The following PTK2 variants were observed in gnomAD, a reference collection of about 807,000 sequenced individuals.
The protein encoded by PTK2 is protein tyrosine kinase 2.
Under a neutral mutation model 150.1 loss-of-function variants are expected in PTK2, and 45 were observed. The observed-to-expected ratio is 0.30, with a 90% CI of 0.24 to 0.38. The LOEUF is 0.38. Ranked by LOEUF, PTK2 falls within the 10% of genes least tolerant of loss-of-function variation. The pLI, the probability that PTK2 is intolerant of heterozygous loss-of-function variation, is 1.00. For synonymous variants in PTK2, 432 were observed against 449.2 expected (o/e 0.96, Z 0.48); for missense variants, 919 against 1,307.3 (o/e 0.70, Z 4.58).
At chr8:140,897,619 A>G (rs2100156811) in intron 2 of PTK2, among the ~76,000 whole-genome samples, 1 of 152,100 alleles carries the variant, frequency 6.6e-6, no homozygotes, top group Non-Finnish European at 1.5e-5. Flanking sequence ...CTCTTTGGGC[A>G]CTCATCACGG....
rs142227696 is a variant in PTK2 at position 140,696,106 on chromosome 8, G to A, written c.2499+4785C>T. Among the ~76,000 whole-genome samples, 343 of 152,164 alleles carry A rather than the reference G, an allele frequency of 2.3e-3. 2 individuals carry two copies. Among genetic ancestry groups the A allele is most frequent in the Middle Eastern group, 6.8e-3 (2 of 294 alleles). Reference sequence around the variant, plus strand: ...TGTACGGTGGTACATTCATTCATTCGCTTAATAAATGCTGGCTGAGCCTTA... The same window carrying A: ...TGTACGGTGGTACATTCATTCATTCACTTAATAAATGCTGGCTGAGCCTTA... On this transcript the variant is annotated intron_variant, in intron 26 of 31. Transcript: ENST00000522684.
chr8:140,661,451 T>C (rs1353480931), intron 31 of PTK2, among the ~76,000 whole-genome samples: 1 of 152,148 alleles, frequency 6.6e-6, no homozygotes, highest in African/African-American at 2.4e-5. Flanking sequence ...GTGCATGGTG[T>C]TGTCACTGAC....
chr8:140,898,747 C>G (rs1218121821), intron 2 of PTK2, among the ~76,000 whole-genome samples: 1 of 152,042 alleles, frequency 6.6e-6, no homozygotes, highest in Non-Finnish European at 1.5e-5. Context: ...TGTTAAGATC[C>G]CACCAAGATA....
chr8:140,993,985 T>C (rs1362036298), intron 1 of PTK2, among the ~76,000 whole-genome samples: 1 of 152,100 alleles, frequency 6.6e-6, no homozygotes, highest in Non-Finnish European at 1.5e-5. Flanking sequence ...CCACCTCGGC[T>C]TCCCAAAGTG....
chr8:140,890,820 A>G (rs1568283223), intron 2 of PTK2, 51 bp from the exon 3 acceptor site: 2 of 1,452,158 alleles, frequency 1.4e-6, no homozygotes, highest in Non-Finnish European at 1.9e-6. Flanking sequence ...AAATCTACCA[A>G]TTACAATGTG....
chr8:140,870,806 G>A (rs770133753), intron 4 of PTK2, among the ~76,000 whole-genome samples: 11 of 152,264 alleles, frequency 7.2e-5, no homozygotes, highest in South Asian at 2.1e-4. Flanking sequence ...GAATACTAAT[G>A]GGATAGTTTA....
At chr8:140,699,002 C>G (rs2100028603) in intron 26 of PTK2, among the ~76,000 whole-genome samples, 1 of 146,060 alleles carries the variant, frequency 6.8e-6, no homozygotes. Flanking sequence ...CTCCTGGCCT[C>G]AAGTGATCTG....
intron 4 of PTK2, among the ~76,000 whole-genome samples, chr8:140,872,967 C>T (rs754805533): frequency 6.6e-6 from 1 of 152,176 alleles, no homozygotes; most frequent in South Asian, 2.1e-4. Context: ...AGCTAAGTTT[C>T]ATTCATATTG....
chr8:140,685,311 T>C (rs1425896217), intron 27 of PTK2, among the ~76,000 whole-genome samples: 2 of 152,034 alleles, frequency 1.3e-5, no homozygotes, highest in Non-Finnish European at 2.9e-5. Context: ...ACCCAGGAAA[T>C]ACTATTCTGG....
At chr8:140,851,840 C>CA (rs1433300835) in intron 5 of PTK2, among the ~76,000 whole-genome samples, 1 of 124,230 alleles carries the variant, frequency 8.0e-6, no homozygotes, top group Non-Finnish European at 1.6e-5. Flanking sequence ...GCGTGGGTGA[C>CA]AGAGAGAGAC....
At chr8:140,687,110 ACTGTTT>A in intron 26 of PTK2, 1 of 181,292 alleles carries the variant, frequency 5.5e-6, no homozygotes, top group Non-Finnish European at 1.1e-5. Context: ...CAATTACAAG[ACTGTTT>A]TCCCACACTG....
intron 17 of PTK2, among the ~76,000 whole-genome samples, chr8:140,748,891 A>T (rs1417340993): frequency 2.6e-5 from 4 of 152,212 alleles, no homozygotes; most frequent in Non-Finnish European, 4.4e-5. Flanking sequence ...GTCCAAAAAC[A>T]CCTGATTTCA....
At chr8:140,681,522 A>C (rs2100016885) in intron 27 of PTK2, among the ~76,000 whole-genome samples, 1 of 151,976 alleles carries the variant, frequency 6.6e-6, no homozygotes, top group African/African-American at 2.4e-5. Context: ...CTGGAATCCC[A>C]GCACTTTGGG....
chr8:140,988,947 A>T (rs938773897), intron 1 of PTK2, among the ~76,000 whole-genome samples: 6 of 152,166 alleles, frequency 3.9e-5, no homozygotes, highest in African/African-American at 1.4e-4. Flanking sequence ...GATAAAATGC[A>T]AAATTATTAA....
chr8:140,995,294 A>G (rs943865087), intron 1 of PTK2, among the ~76,000 whole-genome samples: 2 of 149,550 alleles, frequency 1.3e-5, no homozygotes, highest in African/African-American at 5.0e-5. Flanking sequence ...GACGCAGGCG[A>G]ATCGCTTGAA....
intron 15 of PTK2, 136 bp downstream of exon 18, chr8:140,762,232 T>G (rs938766029): frequency 6.6e-6 from 2 of 303,964 alleles, no homozygotes; most frequent in African/African-American, 4.5e-5. Context: ...TAGCTAGTAG[T>G]TCCATTGATT....
intron 8 of PTK2, chr8:140,821,415 G>A (rs983886087): frequency 1.3e-5 from 2 of 152,234 alleles, no homozygotes; most frequent in African/African-American, 4.8e-5. Flanking sequence ...ATGATCATAT[G>A]CAAGACAACT....
chr8:140,961,464 G>A (rs897434557), intron 1 of PTK2, among the ~76,000 whole-genome samples: 5 of 151,816 alleles, frequency 3.3e-5, no homozygotes, highest in African/African-American at 4.8e-5. Flanking sequence ...GATCGAGACC[G>A]TCCTGGCTAA....
intron 2 of PTK2, among the ~76,000 whole-genome samples, chr8:140,912,878 G>A (rs1012363218): frequency 1.3e-5 from 2 of 152,006 alleles, no homozygotes; most frequent in South Asian, 2.1e-4. Context: ...CCTGGGAGGC[G>A]GAGGTTGCAG....
Sources: allele counts gnomAD v4.1 joint callset (sites outside exome capture counted in the v4.1 genomes callset), GRCh38; gene constraint gnomAD v4.1.1; transcripts MANE v1.5; gene names NCBI Gene and HGNC (gene_info 2026-07-23, HGNC 2026-07-21).